The following PPP2R2B variants were observed in gnomAD, a reference collection of about 807,000 sequenced individuals.
PPP2R2B encodes the protein serine/threonine-protein phosphatase 2A 55 kDa regulatory subunit B beta isoform.
PPP2R2B carries 5 observed loss-of-function variants against 46.0 expected under a neutral mutation model. That is an observed-to-expected ratio of 0.11 (90% CI 0.06 to 0.23). The LOEUF (loss-of-function observed/expected upper bound fraction) is 0.23, where lower values mean the gene tolerates loss of function less well. PPP2R2B is among the 10% of genes least tolerant of loss of function. The probability of loss-of-function intolerance (pLI) is 1.00; values close to 1 mark genes in which losing one functional copy is unlikely to be tolerated. For synonymous variants in PPP2R2B, 215 were observed against 206.7 expected (o/e 1.04, Z -0.34); for missense variants, 367 against 575.0 (o/e 0.64, Z 3.70).
At chr5:146,863,641 TATCCATCCATCCATCC>T (rs3062349) in intron 2 of PPP2R2B, among the ~76,000 whole-genome samples, 18 of 150,584 alleles carry the variant, frequency 1.2e-4, no homozygotes, top group Admixed American at 2.7e-4. Flanking sequence ...TCCATCCATC[TATCCATCCATCCATCC>T]ATCCATCCAT....
rs191340142 is a variant in PPP2R2B at position 146,623,798 on chromosome 5, G to T, written c.790+14453C>A. On this transcript the variant is annotated intron_variant, in intron 7 of 9. Transcript: ENST00000394411. ...AGTCTGTGCTTGATAATGATGGAAG[G>T]CCAGCAGGTGCTTTGAGTAATTCAG... Among the ~76,000 whole-genome samples, 3 of 152,160 alleles carry T rather than the reference G, an allele frequency of 2.0e-5. 1 individual carries two copies. The highest frequency in any genetic ancestry group is 1.9e-4 in the East Asian group (1 of 5,190).
chr5:146,931,685 T>C (rs1763974770), intron 1 of PPP2R2B, among the ~76,000 whole-genome samples: 1 of 152,146 alleles, frequency 6.6e-6, no homozygotes, highest in African/African-American at 2.4e-5. Context: ...TGGGGATAAG[T>C]TGGGTGGGTG....
chr5:146,938,880 A>C lies in PPP2R2B; in HGVS notation c.79+116785T>G, dbSNP rs543805577. Among the ~76,000 whole-genome samples, 7 of 148,430 alleles carry C rather than the reference A, an allele frequency of 4.7e-5. No individual in the cohort carries two copies. The East Asian group carries it at 1.4e-3, about 30-fold the overall frequency. ...ACTGCAACCTCCACCTCCCAGGTTC[A>C]AGCGATTCTCCTGCCTCAGCCTCCT... On this transcript the variant is annotated intron_variant, in intron 1 of 8. Coordinates refer to the PPP2R2B transcript ENST00000336640.
intron 1 of PPP2R2B, among the ~76,000 whole-genome samples, chr5:146,997,535 G>T (rs1753978247): frequency 6.6e-6 from 1 of 152,128 alleles, no homozygotes; most frequent in Non-Finnish European, 1.5e-5. Context: ...TCAGAAACTG[G>T]GGATGGGGCC....
chr5:146,983,465 C>T (rs1335729459), intron 1 of PPP2R2B, among the ~76,000 whole-genome samples: 72 of 152,192 alleles, frequency 4.7e-4, no homozygotes, highest in Admixed American at 4.6e-3. Context: ...TAGGCGTGAG[C>T]CACTGCACCC....
intron 2 of PPP2R2B, among the ~76,000 whole-genome samples, chr5:146,844,395 C>T (rs181686980): frequency 6.6e-6 from 1 of 151,440 alleles, no homozygotes; most frequent in Non-Finnish European, 1.5e-5. Context: ...ACTGAAACAT[C>T]CAAAATGCCA....
At chr5:146,938,278 T>G (rs1269673777) in intron 1 of PPP2R2B, among the ~76,000 whole-genome samples, 1 of 152,194 alleles carries the variant, frequency 6.6e-6, no homozygotes, top group African/African-American at 2.4e-5. Flanking sequence ...GAAAAAAATG[T>G]GTCTTTAAAG....
At chr5:146,653,795 C>A (rs1387756866) in intron 5 of PPP2R2B, among the ~76,000 whole-genome samples, 1 of 152,148 alleles carries the variant, frequency 6.6e-6, no homozygotes, top group Non-Finnish European at 1.5e-5. Flanking sequence ...GGGAAGGGCT[C>A]CGTGTAGGTA....
intron 2 of PPP2R2B, among the ~76,000 whole-genome samples, chr5:146,777,244 G>A (rs1035688872): frequency 1.3e-5 from 2 of 151,978 alleles, no homozygotes; most frequent in African/African-American, 2.4e-5. Context: ...ACAGAAGAAC[G>A]AATAAATAAA....
At chr5:147,002,324 T>A (rs1049480101) in intron 1 of PPP2R2B, among the ~76,000 whole-genome samples, 1 of 152,114 alleles carries the variant, frequency 6.6e-6, no homozygotes, top group Non-Finnish European at 1.5e-5. Context: ...CTCCTGAAGC[T>A]AGGATATGGG....
At chr5:146,998,513 G>C (rs1754022330) in intron 1 of PPP2R2B, among the ~76,000 whole-genome samples, 1 of 152,160 alleles carries the variant, frequency 6.6e-6, no homozygotes, top group African/African-American at 2.4e-5. Flanking sequence ...TTCCTGAAAA[G>C]AGAAGCCCAC....
intron 5 of PPP2R2B, chr5:146,656,641 CT>C (rs1488757240): frequency 6.6e-6 from 1 of 152,610 alleles, no homozygotes; most frequent in Admixed American, 6.5e-5. Flanking sequence ...CTCCAGTGAT[CT>C]TCCTGCCTCA....
At chr5:146,709,661 G>A (rs72652847) in intron 2 of PPP2R2B, among the ~76,000 whole-genome samples, 14,993 of 152,210 alleles carry the variant, frequency 0.099, 834 homozygotes, top group East Asian at 0.23. Flanking sequence ...TTCATAATAC[G>A]TGGGGCTGTG....
chr5:146,857,880 T>G (rs1410608029), intron 2 of PPP2R2B, among the ~76,000 whole-genome samples: 1 of 152,094 alleles, frequency 6.6e-6, no homozygotes, highest in African/African-American at 2.4e-5. Flanking sequence ...AGAGACAGGG[T>G]TTCTCCATGT....
At chr5:146,887,355 A>G (rs922324686) in intron 1 of PPP2R2B, among the ~76,000 whole-genome samples, 1 of 152,166 alleles carries the variant, frequency 6.6e-6, no homozygotes, top group Non-Finnish European at 1.5e-5. Context: ...AAAGAGTTTT[A>G]ATGTGTTCTT....
At chr5:146,921,267 G>A (rs1053919912) in intron 1 of PPP2R2B, among the ~76,000 whole-genome samples, 17 of 152,174 alleles carry the variant, frequency 1.1e-4, no homozygotes, top group African/African-American at 4.1e-4. Context: ...CATCTGCTAA[G>A]TAGTCAGCAA....
At chr5:147,020,801 A>G (rs1323775886) in intron 1 of PPP2R2B, among the ~76,000 whole-genome samples, 1 of 152,220 alleles carries the variant, frequency 6.6e-6, no homozygotes, top group Non-Finnish European at 1.5e-5. Context: ...CTTGAAGTTC[A>G]GGCATTTATA....
chr5:146,661,837 C>A (rs1776692872), intron 5 of PPP2R2B, among the ~76,000 whole-genome samples: 3 of 152,112 alleles, frequency 2.0e-5, no homozygotes, highest in South Asian at 2.1e-4. Flanking sequence ...CTGTTCACTG[C>A]CTTTCCTGTT....
At chr5:146,823,684 C>A (rs1758408267) in intron 2 of PPP2R2B, among the ~76,000 whole-genome samples, 1 of 152,124 alleles carries the variant, frequency 6.6e-6, no homozygotes, top group Non-Finnish European at 1.5e-5. Flanking sequence ...TCATCCATGA[C>A]AAACATATGT....
Sources: allele counts gnomAD v4.1 joint callset (sites outside exome capture counted in the v4.1 genomes callset), GRCh38; gene constraint gnomAD v4.1.1; transcripts MANE v1.5; gene names NCBI Gene and HGNC (gene_info 2026-07-23, HGNC 2026-07-21).